The following OR8B4 variants were observed in gnomAD, a reference collection of about 807,000 sequenced individuals.
The protein encoded by OR8B4 is olfactory receptor 8B4.
OR8B4 carries 3 observed loss-of-function variants against 1.3 expected under a neutral mutation model. That is an observed-to-expected ratio of 2.37 (90% CI 1.08 to 6.13). The LOEUF (loss-of-function observed/expected upper bound fraction) is 6.13, where lower values mean the gene tolerates loss of function less well. OR8B4 is among the 30% of genes most tolerant of loss of function. The pLI, the probability that OR8B4 is intolerant of heterozygous loss-of-function variation, is 0.02. For missense variants in OR8B4, 360 were observed against 368.9 expected (o/e 0.98, Z 0.20); for synonymous variants, 139 against 144.2 (o/e 0.96, Z 0.26).
rs1026839701 is a variant in OR8B4, at chr11:124,424,242, G to T, written c.630C>A (p.Ser210Arg). 3.7e-6 allele frequency: 6 copies of T among 1,614,056 alleles called. No homozygotes were observed. ...AAGCGTAAGAGATGACGATGCTTAT[G>T]CTGGATAGCATGGTGATTACTCCAA... ...IVVGVITMLS[S>R]ISIVISYALI... The change falls in exon 1 of 1, where the codon AGC (serine) becomes AGA (arginine). Residue 210 changes from serine (S) to arginine (R), a missense_variant. By Grantham distance (110) the Ser-to-Arg change is moderately radical. Coordinates refer to ENST00000356130, the MANE Select transcript of OR8B4 (RefSeq NM_001005196.1).
rs759295216 is a variant in OR8B4 at position 124,424,000 on chromosome 11, A to T, written c.872T>A (p.Leu291Ter). Residue 291 changes from leucine (L) to a stop codon, truncating the protein, a stop_gained, in exon 1 of 1, where the codon TTG (leucine) becomes TAG (stop). Transcript: ENST00000356130. LOFTEE classifies it high-confidence loss of function. The stretch of plus-strand genomic sequence containing the variant: ...GGCAAGTTTATCATCCTTATTCCTC[A>T]AACTGTAGATCGAAGGGTTAAGCAT... Reference protein sequence around the residue: ...VPMLNPSIYSLRNKDDKLALG... With the variant: ...VPMLNPSIYS The T allele has an allele frequency of 1.5e-5, 24 of 1,614,054 alleles. No homozygotes were observed. Among genetic ancestry groups the T allele is most frequent in the Non-Finnish European group, 1.9e-5 (23 of 1,180,022 alleles).
chr11:124,424,510 C>A lies in OR8B4; in HGVS notation c.362G>T (p.Arg121Leu), dbSNP rs751193342. ...CAGGGGGTTGCAGATGGCCACATAG[C>A]GATCATAGGCCATTGATACCAACAC... Reference protein sequence around the residue: ...CYVLVSMAYDRYVAICNPLLY... With the variant: ...CYVLVSMAYDLYVAICNPLLY... The change falls in exon 1 of 1, where the codon CGC becomes CTC. Residue 121 changes from arginine to leucine, a missense_variant. By Grantham distance (102) the Arg-to-Leu change is moderately radical (BLOSUM62 -2). Coordinates refer to ENST00000356130, the MANE Select transcript of OR8B4 (RefSeq NM_001005196.1). 6.2e-7 allele frequency: 1 copy of A among 1,613,958 alleles called. No homozygotes were observed. The highest frequency in any genetic ancestry group is 8.5e-7 in the Non-Finnish European group (1 of 1,179,964).
In OR8B4 at chr11:124,424,267, A is replaced by G; in HGVS notation, c.605T>C (p.Val202Ala). 1 of 1,614,160 alleles carries G rather than the reference A, an allele frequency of 6.2e-7. No individual in the cohort carries two copies. The highest frequency in any genetic ancestry group is 8.5e-7 in the Non-Finnish European group (1 of 1,180,004). Residue 202 changes from valine (V) to alanine (A), a missense_variant, in exon 1 of 1, where the codon GTT (valine) becomes GCT (alanine). Physicochemically the swap from Val to Ala is moderately conservative, Grantham distance 64. Transcript: ENST00000356130. ...GCTGGATAGCATGGTGATTACTCCA[A>G]CAACAATGAAAAATACCAGCTCACT... ...HVSELVFFIV[V>A]GVITMLSSIS...
Position 124,424,682 on chromosome 11 carries a change from A to C in OR8B4, c.190T>G (p.Phe64Val), listed in dbSNP as rs752425071. Residue 64 changes from phenylalanine (F) to valine (V), a missense_variant, in exon 1 of 1, where the codon TTC (phenylalanine) becomes GTC (valine). Physicochemically the swap from Phe to Val is conservative, Grantham distance 50. Coordinates refer to ENST00000356130, the MANE Select transcript of OR8B4 (RefSeq NM_001005196.1). ...SLHTPMYFFL[F>V]NLSFIDLCYS... ...CAGAGATCTATAAAGGACAAGTTGA[A>C]GAGGAAAAAGTACATGGGGGTGTGA... 6.2e-7 allele frequency: 1 copy of C among 1,614,136 alleles called. No individual in the cohort carries two copies. Among genetic ancestry groups the C allele is most frequent in the Non-Finnish European group, 8.5e-7 (1 of 1,180,002 alleles).
At position 124,424,694 on chromosome 11, in the gene OR8B4, A is replaced by G; in HGVS notation, c.178T>C (p.Tyr60His). ...AAGGACAAGTTGAAGAGGAAAAAGT[A>G]CATGGGGGTGTGAAGGCTAGGATTT... Reference protein sequence around the residue: ...GINPSLHTPMYFFLFNLSFID... With the variant: ...GINPSLHTPMHFFLFNLSFID... The change falls in exon 1 of 1, where the codon TAC (tyrosine) becomes CAC (histidine). Residue 60 changes from tyrosine (Y) to histidine (H), a missense_variant. By Grantham distance (83) the Tyr-to-His change is moderately conservative. Transcript: ENST00000356130. The G allele has an allele frequency of 1.2e-6, 2 of 1,614,164 alleles. No individual in the cohort carries two copies. Among genetic ancestry groups the G allele is most frequent in the Non-Finnish European group, 1.7e-6 (2 of 1,180,006 alleles).
At position 124,424,221 on chromosome 11, in the gene OR8B4, G is replaced by A. The variant is rs377076841; in HGVS notation, c.651C>T (p.Tyr217=). 143 of 1,614,168 alleles carry A rather than the reference G, an allele frequency of 8.9e-5. 1 individual carries two copies. The highest frequency in any genetic ancestry group is 2.4e-4 in the African/African-American group (18 of 75,062). ...AGAGGATGTTGGAGAGTATCAAAGC[G>A]TAAGAGATGACGATGCTTATGCTGG... ...MLSSISIVIS[Y]ALILSNILCI... is the part of the protein sequence containing the mutation. The change falls in exon 1 of 1, where the codon TAC becomes TAT. Residue 217 remains tyrosine, a synonymous_variant. Transcript: ENST00000356130.
Position 124,424,473 on chromosome 11 carries a change from G to C in OR8B4, c.399C>G (p.Val133=), listed in dbSNP as rs761024945. ...VAICNPLLYM[V]TMSPRVCFLL... ...GAAAGCAGACCCTTGGGGACATGGT[G>C]ACCATGTAGAGCAGGGGGTTGCAGA... The change falls in exon 1 of 1, where the codon GTC becomes GTG. Residue 133 remains valine (V), a synonymous_variant. Transcript: ENST00000356130. 2 of 1,614,078 alleles carry C rather than the reference G, an allele frequency of 1.2e-6. No individual in the cohort carries two copies. The highest frequency in any genetic ancestry group is 3.3e-5 in the Admixed American group (2 of 60,018).
chr11:124,424,328 G>A lies in OR8B4; in HGVS notation c.544C>T (p.Pro182Ser), dbSNP rs776583025. 4 of 1,613,920 alleles carry A rather than the reference G, an allele frequency of 2.5e-6. No homozygotes were observed. The African/African-American group carries it at 5.3e-5, about 22-fold the overall frequency. The change falls in exon 1 of 1, where the codon CCC becomes TCC. Residue 182 changes from proline (P) to serine (S), a missense_variant. Pro to Ser is a moderately conservative substitution (Grantham distance 74). Transcript: ENST00000356130. Reference protein sequence around the residue: ...VIDHYLCDVLPLLQLSCTSTH... With the variant: ...VIDHYLCDVLSLLQLSCTSTH... Reference sequence around the variant, plus strand: ...CTGGTGCAGGAGAGCTGCAAGAGGGGGAGAACGTCACACAGATAATGGTCA... The same window carrying A: ...CTGGTGCAGGAGAGCTGCAAGAGGGAGAGAACGTCACACAGATAATGGTCA...
At position 124,424,246 on chromosome 11, in the gene OR8B4, GAT is replaced by G; in HGVS notation, c.624_625del (p.Ser209GlnfsTer29). 6.2e-7 allele frequency: 1 copy of G among 1,614,114 alleles called. No homozygotes were observed. The highest frequency in any genetic ancestry group is 8.5e-7 in the Non-Finnish European group (1 of 1,179,994). On this transcript the variant is annotated frameshift_variant, in exon 1 of 1. Transcript: ENST00000356130. LOFTEE classifies it low-confidence loss of function (END_TRUNC). ...GTAAGAGATGACGATGCTTATGCTG[GAT>G]AGCATGGTGATTACTCCAACAACAA...
In OR8B4 at chr11:124,424,138, A is replaced by T; in HGVS notation, c.734T>A (p.Ile245Asn). 6.2e-7 allele frequency: 1 copy of T among 1,614,246 alleles called. No homozygotes were observed. Among genetic ancestry groups the T allele is most frequent in the East Asian group, 2.2e-5 (1 of 44,886 alleles). ...TGACCCAAAAAACAGAGCAACAGCA[A>T]TTATGTGGGAGCCCCATGTGCTAAA... ...KAFSTWGSHI[I>N]AVALFFGSGT... The change falls in exon 1 of 1, where the codon ATT becomes AAT. Residue 245 changes from isoleucine (I) to asparagine (N), a missense_variant. By Grantham distance (149) the Ile-to-Asn change is moderately radical. Coordinates refer to ENST00000356130, the MANE Select transcript of OR8B4 (RefSeq NM_001005196.1).
In OR8B4 at chr11:124,424,328, G is replaced by T. The variant is rs776583025; in HGVS notation, c.544C>A (p.Pro182Thr). 1.2e-6 allele frequency: 2 copies of T among 1,614,038 alleles called. No homozygotes were observed. The highest frequency in any genetic ancestry group is 1.7e-6 in the Non-Finnish European group (2 of 1,179,998). ...VIDHYLCDVL[P>T]LLQLSCTSTH... Reference sequence around the variant, plus strand: ...CTGGTGCAGGAGAGCTGCAAGAGGGGGAGAACGTCACACAGATAATGGTCA... The same window carrying T: ...CTGGTGCAGGAGAGCTGCAAGAGGGTGAGAACGTCACACAGATAATGGTCA... Residue 182 changes from proline to threonine, a missense_variant, in exon 1 of 1, where the codon CCC becomes ACC. Coordinates refer to ENST00000356130, the MANE Select transcript of OR8B4 (RefSeq NM_001005196.1).
At position 124,424,094 on chromosome 11, in the gene OR8B4, T is replaced by G; in HGVS notation, c.778A>C (p.Thr260Pro). Residue 260 changes from threonine (T) to proline (P), a missense_variant, in exon 1 of 1, where the codon ACA becomes CCA. Transcript: ENST00000356130. ...FFGSGTFTYLTTSFPGSMNHG... is the reference protein window; with the variant it reads ...FFGSGTFTYLPTSFPGSMNHG... ...TTCATAGAGCCAGGAAAAGATGTTG[T>G]TAAGTAGGTGAATGTCCCTGACCCA... 1 of 1,614,188 alleles carries G rather than the reference T, an allele frequency of 6.2e-7. No individual in the cohort carries two copies. Among genetic ancestry groups the G allele is most frequent in the Non-Finnish European group, 8.5e-7 (1 of 1,180,024 alleles).
rs770294417 is a variant in OR8B4, at chr11:124,424,017, GT to G, written c.854del (p.Asn285ThrfsTer7). 38 of 1,614,016 alleles carry G rather than the reference GT, an allele frequency of 2.4e-5. No individual in the cohort carries two copies. In the African/African-American group the frequency reaches 3.2e-4, roughly 14 times the overall value. On this transcript the variant is annotated frameshift_variant, in exon 1 of 1. Coordinates refer to ENST00000356130, the MANE Select transcript of OR8B4 (RefSeq NM_001005196.1). LOFTEE classifies it high-confidence loss of function. The part of the protein sequence containing the change: ...VFYTNVVPML[N>X]PSIYSLRNKD... ...TATTCCTCAAACTGTAGATCGAAGG[GT>G]TAAGCATGGGAACCACATTGGTGTA...
Position 124,424,147 on chromosome 11 carries a change from G to C in OR8B4, c.725C>G (p.Ser242Cys). ...AAACAGAGCAACAGCAATTATGTGG[G>C]AGCCCCATGTGCTAAAGGCTTTGGA... ...GRSKAFSTWG[S>C]HIIAVALFFG... The change falls in exon 1 of 1, where the codon TCC becomes TGC. Residue 242 changes from serine (S) to cysteine (C), a missense_variant. Coordinates refer to ENST00000356130, the MANE Select transcript of OR8B4 (RefSeq NM_001005196.1). 6.2e-7 allele frequency: 1 copy of C among 1,614,248 alleles called. No individual in the cohort carries two copies. Among genetic ancestry groups the C allele is most frequent in the Non-Finnish European group, 8.5e-7 (1 of 1,180,048 alleles).
rs778949684 is a variant in OR8B4 at position 124,424,012 on chromosome 11, G to C, written c.860C>G (p.Ser287Trp). The C allele has an allele frequency of 6.2e-7, 1 of 1,614,060 alleles. No individual in the cohort carries two copies. The highest frequency in any genetic ancestry group is 1.1e-5 in the South Asian group (1 of 91,078). The change falls in exon 1 of 1, where the codon TCG (serine) becomes TGG (tryptophan). Residue 287 changes from serine to tryptophan, a missense_variant. By Grantham distance (177) the Ser-to-Trp change is radical (BLOSUM62 -3). Transcript: ENST00000356130. The part of the protein sequence containing the change: ...YTNVVPMLNP[S>W]IYSLRNKDDK... ...ATCCTTATTCCTCAAACTGTAGATC[G>C]AAGGGTTAAGCATGGGAACCACATT...
Position 124,424,179 on chromosome 11 carries a change from C to T in OR8B4, c.693G>A (p.Glu231=), listed in dbSNP as rs1280391444. ...LSNILCIPSA[E]GRSKAFSTWG... is the part of the protein sequence containing the mutation. ...ATGTGCTAAAGGCTTTGGATCTGCC[C>T]TCTGCAGAAGGAATACAGAGGATGT... Residue 231 remains glutamate, a synonymous_variant, in exon 1 of 1, where the codon GAG becomes GAA. Coordinates refer to ENST00000356130, the MANE Select transcript of OR8B4 (RefSeq NM_001005196.1). The T allele has an allele frequency of 1.2e-6, 2 of 1,614,158 alleles. No homozygotes were observed. Among genetic ancestry groups the T allele is most frequent in the East Asian group, 2.2e-5 (1 of 44,884 alleles).
At position 124,424,082 on chromosome 11, in the gene OR8B4, G is replaced by A. The variant is rs755381467; in HGVS notation, c.790C>T (p.Pro264Ser). ...AATCTGCCATGGTTCATAGAGCCAG[G>A]AAAAGATGTTGTTAAGTAGGTGAAT... ...GTFTYLTTSF[P>S]GSMNHGRFAS... Residue 264 changes from proline (P) to serine (S), a missense_variant, in exon 1 of 1, where the codon CCT (proline) becomes TCT (serine). Pro to Ser is a moderately conservative substitution (Grantham distance 74). Coordinates refer to ENST00000356130, the MANE Select transcript of OR8B4 (RefSeq NM_001005196.1). 2.5e-6 allele frequency: 4 copies of A among 1,614,192 alleles called. No individual in the cohort carries two copies. Among genetic ancestry groups the A allele is most frequent in the Non-Finnish European group, 3.4e-6 (4 of 1,180,028 alleles).
Position 124,424,701 on chromosome 11 carries a change from G to A in OR8B4, c.171C>T (p.Thr57=). Residue 57 remains threonine (T), a synonymous_variant, in exon 1 of 1, where the codon ACC becomes ACT. Coordinates refer to ENST00000356130, the MANE Select transcript of OR8B4 (RefSeq NM_001005196.1). ...AGTTGAAGAGGAAAAAGTACATGGGGGTGTGAAGGCTAGGATTTATCCCAA... is the reference window on the plus strand; with the variant it reads ...AGTTGAAGAGGAAAAAGTACATGGGAGTGTGAAGGCTAGGATTTATCCCAA... ...TLIGINPSLH[T]PMYFFLFNLS... 6.2e-7 allele frequency: 1 copy of A among 1,614,086 alleles called. No homozygotes were observed. The highest frequency in any genetic ancestry group is 8.5e-7 in the Non-Finnish European group (1 of 1,180,006).
In OR8B4 at chr11:124,424,498, A is replaced by T; in HGVS notation, c.374T>A (p.Ile125Asn). ...GACCATGTAGAGCAGGGGGTTGCAG[A>T]TGGCCACATAGCGATCATAGGCCAT... ...VSMAYDRYVAICNPLLYMVTM... is the reference protein window; with the variant it reads ...VSMAYDRYVANCNPLLYMVTM... The change falls in exon 1 of 1, where the codon ATC (isoleucine) becomes AAC (asparagine). Residue 125 changes from isoleucine (I) to asparagine (N), a missense_variant. Transcript: ENST00000356130. The T allele has an allele frequency of 1.2e-6, 2 of 1,614,150 alleles. No homozygotes were observed. Among genetic ancestry groups the T allele is most frequent in the East Asian group, 4.5e-5 (2 of 44,880 alleles).
Sources: allele counts gnomAD v4.1 joint callset, GRCh38; gene constraint gnomAD v4.1.1; transcripts MANE v1.5; gene names NCBI Gene and HGNC (gene_info 2026-07-23, HGNC 2026-07-21).